The following CDKN2C variants were observed in gnomAD, a reference collection of about 807,000 sequenced individuals.
The protein encoded by CDKN2C is cyclin dependent kinase inhibitor 2C, also known as cyclin-dependent kinase 4 inhibitor C.
Under a neutral mutation model 11.0 loss-of-function variants are expected in CDKN2C, and 5 were observed. The observed-to-expected ratio is 0.45, with a 90% CI of 0.24 to 0.95. CDKN2C has a LOEUF of 0.95. Among genes scored for constraint, CDKN2C ranks in the 40% least tolerant of loss-of-function variants. The pLI is 0.21. For missense variants in CDKN2C, 161 were observed against 211.9 expected, an observed-to-expected ratio of 0.76 and a Z score of 1.49; for synonymous variants, 79 against 88.3, an observed-to-expected ratio of 0.89 and a Z score of 0.59.
At chr1:50,971,896 G>A (rs1355843403) in intron 1 of CDKN2C, among the ~76,000 whole-genome samples, 1 of 152,108 alleles carries the variant, frequency 6.6e-6, no homozygotes, top group Non-Finnish European at 1.5e-5. Context: ...CTTAGTCCTT[G>A]TACATATAAC....
upstream of CDKN2C, chr1:50,969,940 C>G (rs1375562174): frequency 2.4e-5 from 6 of 246,700 alleles, no homozygotes; most frequent in East Asian, 3.7e-4. This position sits in a 1 kb window ranked among gnomAD's most constrained non-coding sequence, Gnocchi z 6.6. Flanking sequence ...GTCTTTCCTT[C>G]CGCGGTATTT....
chr1:50,971,081 GT>G (rs1486744904), intron 1 of CDKN2C, among the ~76,000 whole-genome samples: 1 of 152,208 alleles, frequency 6.6e-6, no homozygotes, highest in East Asian at 1.9e-4. Flanking sequence ...GGAATAAAAA[GT>G]TGAATTTTCT....
upstream of CDKN2C, among the ~76,000 whole-genome samples, chr1:50,966,525 C>T (rs765790940): frequency 7.9e-5 from 12 of 152,142 alleles, no homozygotes; most frequent in Non-Finnish European, 1.2e-4. Flanking sequence ...TTCTTGTAAG[C>T]CATGTTAGAA....
chr1:50,962,655 T>C (rs1177898086), intron 1 of CDKN2C, among the ~76,000 whole-genome samples: 1 of 152,222 alleles, frequency 6.6e-6, no homozygotes, highest in East Asian at 1.9e-4. Context: ...TCCCTTTTTC[T>C]TTCCTTTCTC....
In CDKN2C at chr1:50,973,977, G is replaced by C. The variant is rs771853517; in HGVS notation, c.214G>C (p.Ala72Pro). The stretch of plus-strand genomic sequence containing the variant: ...CGATTTGAAAGACCGAACTGGTTTC[G>C]CTGTCATTCATGATGCGGCCAGAGC... Reference protein sequence around the residue: ...NPDLKDRTGFAVIHDAARAGF... With the variant: ...NPDLKDRTGFPVIHDAARAGF... Residue 72 changes from alanine to proline, a missense_variant, in exon 2 of 2, where the codon GCT becomes CCT. By Grantham distance (27) the Ala-to-Pro change is conservative (BLOSUM62 -1). Transcript: ENST00000371761. The C allele has an allele frequency of 6.2e-7, 1 of 1,614,172 alleles. No homozygotes were observed. Among genetic ancestry groups the C allele is most frequent in the Non-Finnish European group, 8.5e-7 (1 of 1,180,030 alleles).
At chr1:50,965,091 T>TAGAC (rs1645341702) in intron 1 of CDKN2C, among the ~76,000 whole-genome samples, 1 of 151,888 alleles carries the variant, frequency 6.6e-6, no homozygotes, top group Non-Finnish European at 1.5e-5. Flanking sequence ...GATAGATAGA[T>TAGAC]AGATAGATAT....
intron 1 of CDKN2C, among the ~76,000 whole-genome samples, chr1:50,972,133 A>G (rs1645384336): frequency 6.6e-6 from 1 of 152,146 alleles, no homozygotes; most frequent in African/African-American, 2.4e-5. Context: ...TCAGGTTAAT[A>G]TCAAAGGCCT....
chr1:50,961,082 C>T (rs1361079893), intron 1 of CDKN2C, among the ~76,000 whole-genome samples: 1 of 151,946 alleles, frequency 6.6e-6, no homozygotes, highest in Non-Finnish European at 1.5e-5. Flanking sequence ...GTGGCCCGGG[C>T]TGGAGTGCAG....
In CDKN2C at chr1:50,970,349, G is replaced by T; in HGVS notation, c.-20G>T. 2 of 1,613,912 alleles carry T rather than the reference G, an allele frequency of 1.2e-6. No individual in the cohort carries two copies. The highest frequency in any genetic ancestry group is 1.7e-6 in the Non-Finnish European group (2 of 1,180,006). On this transcript the variant is annotated 5_prime_UTR_variant, in exon 1 of 2. Transcript: ENST00000371761. ...AAAAACGACTAATTCATCTTTTCCTGATCGTCAGGACCCTAAAGAATGGCC... is the reference window on the plus strand; with the variant it reads ...AAAAACGACTAATTCATCTTTTCCTTATCGTCAGGACCCTAAAGAATGGCC...
upstream of CDKN2C, among the ~76,000 whole-genome samples, chr1:50,966,087 CTTTT>C (rs200248880): frequency 5.2e-5 from 7 of 134,958 alleles, no homozygotes; most frequent in Admixed American, 7.4e-5. Context: ...TTCTATGTCT[CTTTT>C]TTTTTTTTTT....
rs3176472 is a variant in CDKN2C at position 50,973,830 on chromosome 1, AT to A, written c.130-59del. 6.0e-5 allele frequency: 95 copies of A among 1,570,514 alleles called. 1 individual carries two copies. The African/African-American group carries it at 1.2e-3, about 19-fold the overall frequency. ...TACATAAATGGAAGGACAGGCAGAT[AT>A]TTTAAAATATCTCTGTAGCATATGC... On this transcript the variant is annotated intron_variant, in intron 1 of 1. Transcript: ENST00000371761.
chr1:50,966,077 T>C (rs189116834), upstream of CDKN2C, among the ~76,000 whole-genome samples: 171 of 152,040 alleles, frequency 1.1e-3, no homozygotes, highest in Non-Finnish European at 1.8e-3. Context: ...CACATTTCTA[T>C]TCTATGTCTC....
upstream of CDKN2C, chr1:50,968,141 AGGCCGAGGCCAG>A (rs1206845970): frequency 2.9e-3 from 1 of 344 alleles, no homozygotes; most frequent in Non-Finnish European, 4.2e-3. Context: ...GGCAGGTGCG[AGGCCGAGGCCAG>A]GGCTCAGCGA....
Position 50,970,451 on chromosome 1 carries a change from A to T in CDKN2C, c.83A>T (p.Asn28Ile). 1 of 1,614,178 alleles carries T rather than the reference A, an allele frequency of 6.2e-7. No individual in the cohort carries two copies. Among genetic ancestry groups the T allele is most frequent in the Non-Finnish European group, 8.5e-7 (1 of 1,180,030 alleles). Residue 28 changes from asparagine to isoleucine, a missense_variant, in exon 1 of 2, where the codon AAT becomes ATT. Coordinates refer to ENST00000371761, the MANE Select transcript of CDKN2C (RefSeq NM_078626.3). ...CAACTTACTAGTTTGTTGCAAAATAATGTAAACGTCAATGCACAAAATGGA... is the reference window on the plus strand; with the variant it reads ...CAACTTACTAGTTTGTTGCAAAATATTGTAAACGTCAATGCACAAAATGGA... ...LEQLTSLLQN[N>I]VNVNAQNGFG... is the part of the protein sequence containing the mutation.
chr1:50,969,551 G>C (rs539905656), upstream of CDKN2C: 1 of 152,338 alleles, frequency 6.6e-6, no homozygotes, highest in South Asian at 2.1e-4. The surrounding 1 kb of genome is among the most constrained non-coding windows in gnomAD (Gnocchi z 6.6). Flanking sequence ...CGGCCTCTGA[G>C]GCTCGGCGGG....
At chr1:50,970,646 A>T in intron 1 of CDKN2C, 149 bp downstream of exon 1, 2 of 853,940 alleles carry the variant, frequency 2.3e-6, no homozygotes, top group Non-Finnish European at 3.8e-6. Context: ...CTTTAAGTGG[A>T]TGCAACTTCT....
At chr1:50,963,882 C>T (rs1483193872) in intron 1 of CDKN2C, among the ~76,000 whole-genome samples, 1 of 152,130 alleles carries the variant, frequency 6.6e-6, no homozygotes, top group Non-Finnish European at 1.5e-5. Flanking sequence ...AGTTGGCCCA[C>T]AGTAGTTCAT....
upstream of CDKN2C, chr1:50,970,166 G>C (rs571449280): frequency 3.5e-5 from 22 of 629,096 alleles, 1 homozygote; most frequent in African/African-American, 3.7e-4. Flanking sequence ...GCTCAGTTTT[G>C]CTGAATAATC....
intron 1 of CDKN2C, among the ~76,000 whole-genome samples, chr1:50,973,196 A>C (rs942866159): frequency 6.6e-6 from 1 of 152,194 alleles, no homozygotes; most frequent in African/African-American, 2.4e-5. Context: ...CTTAAAATGA[A>C]GGATTCTAAA....
Sources: gnomAD v4.1 joint callset for allele counts (sites outside exome capture counted in the v4.1 genomes callset) on GRCh38, gnomAD v4.1.1 for gene constraint, Gnocchi (gnomAD v3.1) non-coding constraint, MANE v1.5 for transcripts, NCBI Gene and HGNC (gene_info 2026-07-23, HGNC 2026-07-21) for gene names.